HAPLN2: variants seen among roughly 807,000 people sequenced by gnomAD.
The protein encoded by HAPLN2 is brain link protein-1.
A neutral mutation model predicts 29.3 loss-of-function variants in HAPLN2; 27 were observed. The observed-to-expected ratio is 0.92, with a 90% CI of 0.68 to 1.27. HAPLN2 has a LOEUF of 1.27. Ranked by LOEUF, HAPLN2 falls within the 50% of genes most tolerant of loss-of-function variation. The pLI is 0.00. For missense variants in HAPLN2, 454 were observed against 484.3 expected, an observed-to-expected ratio of 0.94 and a Z score of 0.59; for synonymous variants, 208 against 211.7, an observed-to-expected ratio of 0.98 and a Z score of 0.15.
At chr1:156,603,591 A>G in the HAPLN2 span, among the ~76,000 whole-genome samples, 3 of 152,230 alleles carry the variant, frequency 2.0e-5, no homozygotes, top group Admixed American at 2.0e-4. Flanking sequence ...CGAATGAGGT[A>G]ACCCTCAAGG....
upstream of HAPLN2, among the ~76,000 whole-genome samples, chr1:156,618,305 CAAAAAAAA>C (rs57219264): frequency 1.9e-5 from 2 of 103,220 alleles, no homozygotes; most frequent in Non-Finnish European, 1.8e-5. Context: ...GACTCTGTCT[CAAAAAAAA>C]AAAAAAAAAA....
intron 2 of HAPLN2, 71 bp from the exon 3 acceptor site, chr1:156,623,396 C>A: frequency 7.7e-7 from 1 of 1,303,712 alleles, no homozygotes. Context: ...GATGGGAGTT[C>A]ACCCACAACC....
the HAPLN2 span, among the ~76,000 whole-genome samples, chr1:156,611,102 T>C: frequency 2.0e-5 from 3 of 147,974 alleles, no homozygotes; most frequent in Non-Finnish European, 4.5e-5. Flanking sequence ...GGCAACCTGG[T>C]GAATCCCCAT....
chr1:156,623,073 T>TAAATAAATA (rs1553235365), intron 2 of HAPLN2, among the ~76,000 whole-genome samples: 3 of 131,688 alleles, frequency 2.3e-5, no homozygotes, highest in Non-Finnish European at 5.0e-5. Flanking sequence ...AATAAATAAA[T>TAAATAAATA]AAATAAAATA....
upstream of HAPLN2, among the ~76,000 whole-genome samples, chr1:156,618,305 CAA>C (rs57219264): frequency 1.9e-5 from 2 of 103,212 alleles, no homozygotes; most frequent in Admixed American, 1.1e-4. Context: ...GACTCTGTCT[CAA>C]AAAAAAAAAA....
At chr1:156,604,389 T>C in the HAPLN2 span, among the ~76,000 whole-genome samples, 1 of 151,244 alleles carries the variant, frequency 6.6e-6, no homozygotes, top group Non-Finnish European at 1.5e-5. Context: ...ACCTCCTAGG[T>C]TCAAGCGATT....
chr1:156,621,673 G>A lies in HAPLN2; in HGVS notation c.-25+1515G>A, dbSNP rs574399376. ...CGGGAGGTGGAGGTTGCAGTGAGCT[G>A]AGATGGTGCCATTGCACTCCAGCCT... is the stretch of plus-strand genomic sequence containing the variant. On this transcript the variant is annotated intron_variant, in intron 2 of 6. Transcript: ENST00000255039. Among the ~76,000 whole-genome samples, 10 of 150,266 alleles carry A rather than the reference G, an allele frequency of 6.7e-5. No individual in the cohort carries two copies. The South Asian group carries it at 1.9e-3, about 28-fold the overall frequency.
At position 156,625,017 on chromosome 1, in the gene HAPLN2, C is replaced by T. The variant is rs1425852643; in HGVS notation, c.740-84C>T. The T allele has an allele frequency of 6.8e-7, 1 of 1,473,140 alleles. No homozygotes were observed. The highest frequency in any genetic ancestry group is 9.0e-7 in the Non-Finnish European group (1 of 1,106,374). The allele number at this position is 1,473,140 out of a possible 1,614,324, so 91.3% of individuals were successfully genotyped here. A position where few individuals can be genotyped will look rare whatever the true frequency, so the allele number is the denominator to read the frequency against. ...AGCTCGATCCAGCACCTCTGCGGTC[C>T]CGCACCCCAACTCCGCCTCCTGGGT... On this transcript the variant is annotated intron_variant, in intron 6 of 6. Coordinates refer to ENST00000255039, the MANE Select transcript of HAPLN2 (RefSeq NM_021817.3). The surrounding 1 kb of genome is among the most constrained non-coding windows in gnomAD (Gnocchi z 5.7).
chr1:156,617,650 CTT>C (rs56771313), upstream of HAPLN2, among the ~76,000 whole-genome samples: 328 of 137,328 alleles, frequency 2.4e-3, no homozygotes, highest in African/African-American at 7.7e-3. Flanking sequence ...TGCCCAGCCT[CTT>C]TTTTTTTTTT....
chr1:156,616,035 A>G (rs1678049844), upstream of HAPLN2, among the ~76,000 whole-genome samples: 1 of 152,220 alleles, frequency 6.6e-6, no homozygotes, highest in African/African-American at 2.4e-5. Context: ...CAGCCCTTCC[A>G]GTCATTCACA....
chr1:156,614,968 T>C (rs1678024666), upstream of HAPLN2: 1 of 152,216 alleles, frequency 6.6e-6, no homozygotes, highest in Non-Finnish European at 1.5e-5. Flanking sequence ...ACTTTATCCT[T>C]ATCCACCTCT....
At chr1:156,621,398 T>C (rs1467259487) in intron 2 of HAPLN2, among the ~76,000 whole-genome samples, 1 of 150,970 alleles carries the variant, frequency 6.6e-6, no homozygotes, top group Non-Finnish European at 1.5e-5. Context: ...CCACTGTGCC[T>C]GGCCCAGTCC....
chr1:156,621,733 GA>G (rs58393811), intron 2 of HAPLN2, among the ~76,000 whole-genome samples: 98,799 of 123,714 alleles, frequency 0.8, 41,181 homozygotes, highest in Non-Finnish European at 0.93. Context: ...TCAGAAAAAA[GA>G]AAAAAAAAAA....
At chr1:156,624,909 G>GGGGGGGCCCCCCC in intron 6 of HAPLN2, 126 bp downstream of exon 6, 1 of 999,518 alleles carries the variant, frequency 1.0e-6, no homozygotes, top group Non-Finnish European at 1.4e-6. Flanking sequence ...CCCCCCATCA[G>GGGGGGGCCCCCCC]CCCGCCCGCC....
intron 1 of HAPLN2, among the ~76,000 whole-genome samples, 158 bp downstream of exon 1, chr1:156,619,693 T>C (rs1174668864): frequency 2.5e-5 from 3 of 121,368 alleles, no homozygotes; most frequent in Admixed American, 1.6e-4. Flanking sequence ...TATCCACCGA[T>C]CAATCTACAC....
At chr1:156,604,964 A>G in the HAPLN2 span, among the ~76,000 whole-genome samples, 1 of 150,786 alleles carries the variant, frequency 6.6e-6, no homozygotes, top group Non-Finnish European at 1.5e-5. Context: ...CCTAGAAGTC[A>G]TATAGAAATG....
chr1:156,609,727 A>G, the HAPLN2 span, among the ~76,000 whole-genome samples: 1 of 152,164 alleles, frequency 6.6e-6, no homozygotes, highest in Non-Finnish European at 1.5e-5. Context: ...ATACGGACAC[A>G]AATAAAGGAA....
Position 156,623,955 on chromosome 1 carries a change from C to G in HAPLN2, c.234C>G (p.Leu78=), listed in dbSNP as rs753438929. 8.1e-6 allele frequency: 13 copies of G among 1,608,056 alleles called. No homozygotes were observed. The South Asian group carries it at 1.4e-4, about 18-fold the overall frequency. The part of the protein sequence containing the change: ...VRWSKVEPGE[L]RETLILITNG... ...GGAGCAAGGTGGAGCCTGGGGAGCT[C>G]CGGGAAACGCTGATCCTCATCACCA... Residue 78 remains leucine (L), a synonymous_variant, in exon 4 of 7, where the codon CTC becomes CTG. Coordinates refer to ENST00000255039, the MANE Select transcript of HAPLN2 (RefSeq NM_021817.3).
chr1:156,624,818 G>A, intron 6 of HAPLN2, 35 bp downstream of exon 6: 1 of 1,456,614 alleles, frequency 6.9e-7, no homozygotes, highest in Non-Finnish European at 9.0e-7. Context: ...TCTTGGGGAG[G>A]GGTCTGAAAA....
Sources: allele counts gnomAD v4.1 joint callset (sites outside exome capture counted in the v4.1 genomes callset), GRCh38; gene constraint gnomAD v4.1.1; non-coding constraint Gnocchi (gnomAD v3.1); transcripts MANE v1.5; gene names NCBI Gene and HGNC (gene_info 2026-07-23, HGNC 2026-07-21).